GREM2: variants seen among roughly 807,000 people sequenced by gnomAD.
The protein encoded by GREM2 is gremlin 2, DAN family BMP antagonist, also known as gremlin-2.
Under a neutral mutation model 14.2 loss-of-function variants are expected in GREM2, and 11 were observed. That is an observed-to-expected ratio of 0.78 (90% confidence interval 0.49 to 1.28). The LOEUF is 1.28. GREM2 is among the 50% of genes most tolerant of loss of function. GREM2 has a pLI of 0.00. For synonymous variants in GREM2, 98 were observed against 97.6 expected (o/e 1.00, Z -0.02); for missense variants, 210 against 218.5 (o/e 0.96, Z 0.24).
At chr1:240,603,441 A>C (rs1043391140) in intron 1 of GREM2, among the ~76,000 whole-genome samples, 2 of 152,066 alleles carry the variant, frequency 1.3e-5, no homozygotes, top group African/African-American at 2.4e-5. Context: ...ATCAAGGCCC[A>C]ACTCCATATC....
At chr1:240,520,080 C>CA (rs1362602538) in intron 1 of GREM2, among the ~76,000 whole-genome samples, 2 of 55,372 alleles carry the variant, frequency 3.6e-5, no homozygotes, top group Non-Finnish European at 7.2e-5. Context: ...AACTCCATCC[C>CA]AAAAAATAAA....
intron 1 of GREM2, among the ~76,000 whole-genome samples, chr1:240,605,821 A>C (rs1326708219): frequency 6.6e-6 from 1 of 152,044 alleles, no homozygotes; most frequent in Non-Finnish European, 1.5e-5. Context: ...TTCTCTAATA[A>C]TAAATAAATA....
At chr1:240,573,954 C>A (rs1679308110) in intron 1 of GREM2, among the ~76,000 whole-genome samples, 1 of 152,126 alleles carries the variant, frequency 6.6e-6, no homozygotes, top group Non-Finnish European at 1.5e-5. Context: ...AACTCTCACA[C>A]TCTCGCCCTG....
intron 1 of GREM2, among the ~76,000 whole-genome samples, chr1:240,519,077 T>C (rs1200250729): frequency 2.0e-5 from 3 of 152,192 alleles, no homozygotes; most frequent in African/African-American, 7.2e-5. Context: ...TTACAATAGA[T>C]TCTCTCAAAA....
At chr1:240,565,517 G>T (rs1235364898) in intron 1 of GREM2, among the ~76,000 whole-genome samples, 3 of 151,830 alleles carry the variant, frequency 2.0e-5, no homozygotes, top group Non-Finnish European at 2.9e-5. Context: ...CCTTTACTTT[G>T]GTCTGTTGGG....
At chr1:240,507,513 A>G (rs1377338759) in intron 1 of GREM2, among the ~76,000 whole-genome samples, 1 of 152,112 alleles carries the variant, frequency 6.6e-6, no homozygotes. Flanking sequence ...TTGTATTTTT[A>G]GTAGAGACAG....
chr1:240,497,977 G>A (rs928694239), intron 1 of GREM2, among the ~76,000 whole-genome samples: 9 of 152,162 alleles, frequency 5.9e-5, no homozygotes, highest in Non-Finnish European at 1.2e-4. Flanking sequence ...AAGATTGACA[G>A]AGTCAGTCTG....
chr1:240,599,666 C>A (rs1041661973), intron 1 of GREM2, among the ~76,000 whole-genome samples: 18 of 152,206 alleles, frequency 1.2e-4, no homozygotes, highest in Admixed American at 3.9e-4. Context: ...TCTTTTGGTC[C>A]AGAAAGAAGA....
chr1:240,512,193 A>G (rs538324328), intron 1 of GREM2, among the ~76,000 whole-genome samples: 1 of 152,324 alleles, frequency 6.6e-6, no homozygotes, highest in South Asian at 2.1e-4. Flanking sequence ...TTTTTTTCTC[A>G]AGAAAAATAC....
intron 1 of GREM2, among the ~76,000 whole-genome samples, chr1:240,607,228 A>C (rs1680044199): frequency 6.6e-6 from 1 of 152,174 alleles, no homozygotes; most frequent in South Asian, 2.1e-4. Context: ...CCGCCTTCTC[A>C]TTGTAAAGAG....
chr1:240,517,466 G>T lies in GREM2; in HGVS notation c.-1-23990C>A, dbSNP rs1677978692. Reference sequence around the variant, plus strand: ...TTTATGCAGTACTATTTATTTGGAAGTATCTCACAAATACAAGGAGAACTG... The same window carrying T: ...TTTATGCAGTACTATTTATTTGGAATTATCTCACAAATACAAGGAGAACTG... On this transcript the variant is annotated intron_variant, in intron 1 of 1. Transcript: ENST00000318160. Among the ~76,000 whole-genome samples the T allele has an allele frequency of 4.6e-5, 7 of 152,124 alleles. No individual in the cohort carries two copies. In the South Asian group the frequency reaches 1.4e-3, roughly 31 times the overall value.
At chr1:240,534,062 T>A (rs1300442887) in intron 1 of GREM2, among the ~76,000 whole-genome samples, 1 of 152,182 alleles carries the variant, frequency 6.6e-6, no homozygotes, top group Admixed American at 6.5e-5. Context: ...TAGTTATGAA[T>A]GGGCTAGTCC....
At position 240,583,254 on chromosome 1, in the gene GREM2, G is replaced by GA. The variant is rs909248534; in HGVS notation, c.-2+28629dup. ...GCATATATATGTTAATCTCATGGAG[G>GA]AAAAAAAAGGGCAAAAAAATGCTCA... is the stretch of plus-strand genomic sequence containing the variant. On this transcript the variant is annotated intron_variant, in intron 1 of 1. Coordinates refer to ENST00000318160, the MANE Select transcript of GREM2 (RefSeq NM_022469.4). Among the ~76,000 whole-genome samples, 4 of 151,574 alleles carry GA rather than the reference G, an allele frequency of 2.6e-5. No individual in the cohort carries two copies. The East Asian group carries it at 5.8e-4, about 22-fold the overall frequency.
chr1:240,532,763 G>A (rs1475511508), intron 1 of GREM2, among the ~76,000 whole-genome samples: 1 of 152,136 alleles, frequency 6.6e-6, no homozygotes, highest in Non-Finnish European at 1.5e-5. Context: ...AATACTTAGA[G>A]AAGTTAAGTC....
intron 1 of GREM2, among the ~76,000 whole-genome samples, chr1:240,559,007 A>G (rs1419279472): frequency 1.3e-5 from 2 of 152,122 alleles, no homozygotes; most frequent in African/African-American, 4.8e-5. Flanking sequence ...TACAAAGAAA[A>G]TGTGGCCTCC....
chr1:240,521,174 T>C (rs1177622511), intron 1 of GREM2, among the ~76,000 whole-genome samples: 1 of 152,214 alleles, frequency 6.6e-6, no homozygotes, highest in African/African-American at 2.4e-5. Flanking sequence ...TTCCTGGTTC[T>C]GTCTTGTGAG....
At chr1:240,568,855 T>C (rs1457378469) in intron 1 of GREM2, among the ~76,000 whole-genome samples, 1 of 152,136 alleles carries the variant, frequency 6.6e-6, no homozygotes, top group Non-Finnish European at 1.5e-5. Context: ...AACATAATTG[T>C]ACTTTCATAT....
Position 240,504,285 on chromosome 1 carries a change from G to T in GREM2, c.-1-10809C>A, listed in dbSNP as rs1473865425. Among the ~76,000 whole-genome samples, 8 of 152,108 alleles carry T rather than the reference G, an allele frequency of 5.3e-5. No individual in the cohort carries two copies. The East Asian group carries it at 1.5e-3, about 29-fold the overall frequency. On this transcript the variant is annotated intron_variant, in intron 1 of 1. Coordinates refer to ENST00000318160, the MANE Select transcript of GREM2 (RefSeq NM_022469.4). ...ACCCCTCTTTGCTCCTTCAATCACT[G>T]ATCTAATATTCTTTGTTATTTCTCA...
In GREM2 at chr1:240,543,744, C is replaced by T. The variant is rs565813634; in HGVS notation, c.-1-50268G>A. ...ATATTAAACCTACCTTGACATTGAT[C>T]TTTTATAGAAATTACTAAGTAATTA... On this transcript the variant is annotated intron_variant, in intron 1 of 1. Coordinates refer to ENST00000318160, the MANE Select transcript of GREM2 (RefSeq NM_022469.4). The surrounding 1 kb of genome is among the most constrained non-coding windows in gnomAD (Gnocchi z 6.4). Among the ~76,000 whole-genome samples the T allele has an allele frequency of 1.2e-4, 18 of 152,252 alleles. No homozygotes were observed. The highest frequency in any genetic ancestry group is 4.3e-4 in the African/African-American group (18 of 41,544).
Sources: gnomAD v4.1 joint callset for allele counts (sites outside exome capture counted in the v4.1 genomes callset) on GRCh38, gnomAD v4.1.1 for gene constraint, Gnocchi (gnomAD v3.1) non-coding constraint, MANE v1.5 for transcripts, NCBI Gene and HGNC (gene_info 2026-07-23, HGNC 2026-07-21) for gene names.